Variants in PTPRD observed in about 807,000 individuals in gnomAD.
PTPRD encodes protein tyrosine phosphatase receptor type D.
PTPRD carries 34 observed loss-of-function variants against 214.5 expected under a neutral mutation model. That is an observed-to-expected ratio of 0.16 (90% CI 0.12 to 0.21). The LOEUF (loss-of-function observed/expected upper bound fraction) is 0.21. Ranked by LOEUF, PTPRD falls within the 10% of genes least tolerant of loss-of-function variation. The pLI, the probability that PTPRD is intolerant of heterozygous loss-of-function variation, is 1.00. For missense variants in PTPRD, 2,545 were observed against 2,398.7 expected (o/e 1.06, Z -1.27); for synonymous variants, 1,128 against 845.7 (o/e 1.33, Z -5.79).
intron 3 of PTPRD, among the ~76,000 whole-genome samples, chr9:10,236,216 T>C (rs1052920521): frequency 2.0e-5 from 3 of 151,964 alleles, no homozygotes; most frequent in African/African-American, 7.2e-5. Flanking sequence ...GCCAAGGCCA[T>C]TTAAGAGACT....
At chr9:9,010,021 C>A (rs2099501829) in intron 11 of PTPRD, among the ~76,000 whole-genome samples, 1 of 152,022 alleles carries the variant, frequency 6.6e-6, no homozygotes, top group Admixed American at 6.6e-5. Context: ...TAAACATGAC[C>A]AGCCTGACAA....
At chr9:9,427,431 G>A (rs1033184454) in intron 8 of PTPRD, among the ~76,000 whole-genome samples, 11 of 152,180 alleles carry the variant, frequency 7.2e-5, no homozygotes, top group East Asian at 1.9e-4. Flanking sequence ...CCAAATCTAC[G>A]TCTGATTGGT....
intron 7 of PTPRD, among the ~76,000 whole-genome samples, chr9:9,683,923 C>T (rs1161817895): frequency 6.6e-6 from 1 of 151,556 alleles, no homozygotes; most frequent in East Asian, 1.9e-4. Flanking sequence ...ACTCCAGCAA[C>T]CCAAGCTGGT....
chr9:10,410,268 T>C lies in PTPRD; in HGVS notation c.-599-69251A>G, dbSNP rs867972544. ...CATATTTTGTGTATATATATATATA[T>C]ATACACACACACACACAATATATAA... is the stretch of plus-strand genomic sequence containing the variant. On this transcript the variant is annotated intron_variant, in intron 2 of 45. Transcript: ENST00000381196. Among the ~76,000 whole-genome samples, 7 of 134,054 alleles carry C rather than the reference T, an allele frequency of 5.2e-5. No individual in the cohort carries two copies. The East Asian group carries it at 1.3e-3, about 24-fold the overall frequency. 87.9% of individuals were successfully genotyped at this position (134,054 alleles called of 152,430 possible).
chr9:9,295,490 G>A (rs114437865), intron 9 of PTPRD, among the ~76,000 whole-genome samples: 2,007 of 151,788 alleles, frequency 0.013, 46 homozygotes, highest in African/African-American at 0.047. Flanking sequence ...GAAAACAGCT[G>A]TTTTGAAAGT....
At chr9:8,816,678 A>G (rs2096926198) in intron 11 of PTPRD, among the ~76,000 whole-genome samples, 1 of 152,222 alleles carries the variant, frequency 6.6e-6, no homozygotes, top group African/African-American at 2.4e-5. Flanking sequence ...TAGAGATGGA[A>G]GAAAGGTACA....
At chr9:10,574,855 C>A (rs1475691662) in intron 2 of PTPRD, among the ~76,000 whole-genome samples, 1 of 148,424 alleles carries the variant, frequency 6.7e-6, no homozygotes. Flanking sequence ...TTTCTTCCCC[C>A]CATTTAAAAA....
intron 2 of PTPRD, among the ~76,000 whole-genome samples, chr9:10,592,939 G>A (rs2075829800): frequency 6.6e-6 from 1 of 151,862 alleles, no homozygotes; most frequent in African/African-American, 2.4e-5. Flanking sequence ...CACTGTGGAA[G>A]CTTTGTTCTT....
At chr9:8,371,585 G>A (rs2081540911) in intron 39 of PTPRD, among the ~76,000 whole-genome samples, 1 of 152,010 alleles carries the variant, frequency 6.6e-6, no homozygotes, top group African/African-American at 2.4e-5. Context: ...ACAAGATAAA[G>A]CAATGTCATA....
rs1465225064 is a variant in PTPRD, at chr9:8,974,780, C to CATT, written c.-104+43914_-104+43916dup. 2.0e-5 allele frequency among the ~76,000 whole-genome samples: 3 copies of CATT among 151,896 alleles called. No homozygotes were observed. In the East Asian group the frequency reaches 5.8e-4, roughly 29 times the overall value. On this transcript the variant is annotated intron_variant, in intron 11 of 45. Transcript: ENST00000381196. ...TATAATAGTATATACCACTAATATA[C>CATT]ATTAACATACCCTATGCACCAAGAA...
chr9:9,985,728 A>G (rs978876875), intron 4 of PTPRD, among the ~76,000 whole-genome samples: 6 of 152,004 alleles, frequency 3.9e-5, no homozygotes, highest in African/African-American at 1.4e-4. Context: ...GATATTAGAA[A>G]AATTGATAAG....
intron 7 of PTPRD, among the ~76,000 whole-genome samples, chr9:9,690,668 G>T (rs1003500864): frequency 6.6e-6 from 1 of 151,754 alleles, no homozygotes; most frequent in African/African-American, 2.4e-5. Context: ...TAGGGGTCTA[G>T]GATTTTTCCA....
rs16928634 is a variant in PTPRD, at chr9:8,938,939, C to T, written c.-104+79758G>A. On this transcript the variant is annotated intron_variant, in intron 11 of 45. Coordinates refer to ENST00000381196, the MANE Select transcript of PTPRD (RefSeq NM_002839.4). ...GCATTTGTCCAGCTCAGTTCCATTACGTAAAAGCTGTCTGTCTGTCTGAGC... is the reference window on the plus strand; with the variant it reads ...GCATTTGTCCAGCTCAGTTCCATTATGTAAAAGCTGTCTGTCTGTCTGAGC... Among the ~76,000 whole-genome samples the T allele has an allele frequency of 5.3e-3, 802 of 152,226 alleles. 7 individuals are homozygous for T. The highest frequency in any genetic ancestry group is 0.018 in the African/African-American group (735 of 41,544).
chr9:9,091,933 T>C (rs187132437), intron 10 of PTPRD, among the ~76,000 whole-genome samples: 1 of 152,212 alleles, frequency 6.6e-6, no homozygotes, highest in Non-Finnish European at 1.5e-5. Flanking sequence ...ATCTCACTAA[T>C]GTCACCTTCT....
intron 2 of PTPRD, among the ~76,000 whole-genome samples, chr9:10,553,155 G>A (rs2061719216): frequency 6.6e-6 from 1 of 152,096 alleles, no homozygotes; most frequent in African/African-American, 2.4e-5. Context: ...TCCAGCCTAA[G>A]GAGGAGAGAA....
chr9:8,392,980 T>C (rs1317914631), intron 36 of PTPRD, among the ~76,000 whole-genome samples: 1 of 152,208 alleles, frequency 6.6e-6, no homozygotes, highest in South Asian at 2.1e-4. Flanking sequence ...CTCTGGTTTT[T>C]AATGTGACAT....
Position 8,670,426 on chromosome 9 carries a change from A to G in PTPRD, c.65-33582T>C, listed in dbSNP as rs77289491. On this transcript the variant is annotated intron_variant, in intron 12 of 45. Transcript: ENST00000381196. ...CTATATCAGCTTGAATGTATGGATTATAGTCTACATGTAAGTGAGATCATG... is the reference window on the plus strand; with the variant it reads ...CTATATCAGCTTGAATGTATGGATTGTAGTCTACATGTAAGTGAGATCATG... Among the ~76,000 whole-genome samples the G allele has an allele frequency of 9.5e-4, 144 of 152,258 alleles. 1 individual carries two copies. Among genetic ancestry groups the G allele is most frequent in the African/African-American group, 3.4e-3 (143 of 41,558 alleles).
At chr9:8,419,656 C>CG (rs939604504) in intron 35 of PTPRD, among the ~76,000 whole-genome samples, 44 of 150,994 alleles carry the variant, frequency 2.9e-4, no homozygotes, top group African/African-American at 4.9e-4. Context: ...ATTTCTTTCT[C>CG]GGGGGGGCAT....
intron 10 of PTPRD, among the ~76,000 whole-genome samples, chr9:9,119,532 T>C (rs2099815603): frequency 6.6e-6 from 1 of 150,630 alleles, no homozygotes; most frequent in South Asian, 2.1e-4. Context: ...ATTCAGATTC[T>C]GTGATTTTTT....
Sources: allele counts gnomAD v4.1 joint callset (sites outside exome capture counted in the v4.1 genomes callset), GRCh38; gene constraint gnomAD v4.1.1; transcripts MANE v1.5; gene names NCBI Gene and HGNC (gene_info 2026-07-23, HGNC 2026-07-21).